Variants in PIN4 observed in about 807,000 individuals in gnomAD.
PIN4 encodes peptidyl-prolyl cis-trans isomerase NIMA-interacting 4.
Under a neutral mutation model 8.3 loss-of-function variants are expected in PIN4, and 3 were observed. The observed-to-expected ratio is 0.36, with a 90% confidence interval of 0.16 to 0.93. The LOEUF (loss-of-function observed/expected upper bound fraction) is 0.93. Among genes scored for constraint, PIN4 ranks in the 40% least tolerant of loss-of-function variants. The pLI, the probability that PIN4 is intolerant of heterozygous loss-of-function variation, is 0.44. For missense variants in PIN4, 75 were observed against 100.6 expected (o/e 0.75, Z 1.09); for synonymous variants, 18 against 32.5 (o/e 0.55, Z 1.52).
At chrX:72,205,064 C>A (rs1349508495) in intron 3 of PIN4, 1 of 1,207,661 alleles carries the variant, frequency 8.3e-7, no homozygotes, top group Admixed American at 2.2e-5. Flanking sequence ...AGCATAACTT[C>A]AGGATCTGCA....
chrX:72,245,829 C>T (rs1444561944), intron 3 of PIN4, among the ~76,000 whole-genome samples: 2 of 112,044 alleles, frequency 1.8e-5, no homozygotes, highest in Non-Finnish European at 3.8e-5. Context: ...TTAGGATTAC[C>T]TGCAGGGTCT....
intron 3 of PIN4, among the ~76,000 whole-genome samples, chrX:72,224,042 C>G (rs2042940855): frequency 9.0e-6 from 1 of 111,441 alleles, no homozygotes; most frequent in African/African-American, 3.3e-5. Flanking sequence ...CTGGTACTGA[C>G]AACGGAAGAC....
At chrX:72,222,328 C>T (rs969295693) in intron 3 of PIN4, among the ~76,000 whole-genome samples, 2 of 111,764 alleles carry the variant, frequency 1.8e-5, no homozygotes, top group African/African-American at 6.5e-5. Context: ...CCTCCACCCT[C>T]ACTCCTGATG....
intron 3 of PIN4, chrX:72,262,581 G>A (rs774395754): frequency 9.6e-6 from 4 of 417,424 alleles, no homozygotes; most frequent in Non-Finnish European, 1.7e-5. Context: ...CACAATAAAT[G>A]TGTTGCTCTT....
chrX:72,183,909 G>A (rs2042685949), intron 1 of PIN4, among the ~76,000 whole-genome samples: 2 of 110,654 alleles, frequency 1.8e-5, no homozygotes, highest in African/African-American at 3.3e-5. Flanking sequence ...GGAGGGGCAG[G>A]GACTCAGTAG....
At chrX:72,248,309 AAAAAAAAAAAAAAAAAAAAAAAAAAAAT>A (rs1242277382) in intron 3 of PIN4, among the ~76,000 whole-genome samples, 3 of 37,082 alleles carry the variant, frequency 8.1e-5, no homozygotes, top group African/African-American at 4.4e-4. Context: ...AAAAAAAAAA[AAAAAAAAAAAAAAAAAAAAAAAAAAAAT>A]GTCCTTATTC....
intron 3 of PIN4, among the ~76,000 whole-genome samples, chrX:72,261,296 GA>G (rs754002557): frequency 0.034 from 1,579 of 46,018 alleles, 51 homozygotes; most frequent in African/African-American, 0.11. Context: ...CTCCGTCTCA[GA>G]AAAAAAAAAA....
chrX:72,254,897 C>T (rs751166370), intron 3 of PIN4, among the ~76,000 whole-genome samples: 1 of 111,547 alleles, frequency 9.0e-6, no homozygotes, highest in Non-Finnish European at 1.9e-5. Context: ...ATTTAATCAG[C>T]GGCTCTGCCC....
chrX:72,211,519 C>A (rs2042853958), intron 3 of PIN4, among the ~76,000 whole-genome samples: 1 of 112,082 alleles, frequency 8.9e-6, no homozygotes, highest in Non-Finnish European at 1.9e-5. Context: ...TCACCTCCCA[C>A]AAGGTGTCTC....
At chrX:72,220,366 G>A (rs1280023667) in intron 3 of PIN4, among the ~76,000 whole-genome samples, 1 of 111,594 alleles carries the variant, frequency 9.0e-6, no homozygotes, top group Admixed American at 9.5e-5. Context: ...CAGGAGCATC[G>A]GCATCTTGGA....
chrX:72,203,950 AAT>A (rs2042802127), intron 3 of PIN4, among the ~76,000 whole-genome samples: 2 of 111,124 alleles, frequency 1.8e-5, no homozygotes, highest in Admixed American at 9.5e-5. Flanking sequence ...AGACTGTGAT[AAT>A]ATGTGTCAGA....
chrX:72,243,091 G>A (rs1192950030), intron 3 of PIN4, among the ~76,000 whole-genome samples: 1 of 110,658 alleles, frequency 9.0e-6, no homozygotes, highest in Non-Finnish European at 1.9e-5. Context: ...CAGCACTTTG[G>A]GAGGTCGAGG....
rs959156292 is a variant in PIN4 at position 72,226,830 on chromosome X, A to G, written c.312+29926A>G. Among the ~76,000 whole-genome samples, 17 of 111,780 alleles carry G rather than the reference A, an allele frequency of 1.5e-4. No homozygotes were observed. In the Admixed American group the frequency reaches 1.5e-3, roughly 10 times the overall value. On this transcript the variant is annotated intron_variant, in intron 3 of 3. Coordinates refer to the PIN4 transcript ENST00000423432. ...CCCCATACTGCTTTGTACAAAACAA[A>G]TTAGTCCCATCTGACCCTGAAGAAA...
intron 3 of PIN4, among the ~76,000 whole-genome samples, chrX:72,220,941 A>C (rs2042919621): frequency 8.9e-6 from 1 of 111,952 alleles, no homozygotes. Context: ...CAACCCAGGA[A>C]GCAGTGGGCA....
At chrX:72,199,523 G>GC (rs921388130), downstream of PIN4, among the ~76,000 whole-genome samples, 9 of 111,635 alleles carry the variant, frequency 8.1e-5, no homozygotes, top group African/African-American at 2.9e-4. Flanking sequence ...GGGCGACAGA[G>GC]CGAGACTCCA....
At chrX:72,200,894 T>A (rs2042787443), downstream of PIN4, among the ~76,000 whole-genome samples, 1 of 112,236 alleles carries the variant, frequency 8.9e-6, no homozygotes, top group African/African-American at 3.2e-5. Flanking sequence ...AGCCTATGGA[T>A]CCCTTTTCAA....
intron 2 of PIN4, among the ~76,000 whole-genome samples, chrX:72,192,608 A>G (rs1481897358): frequency 9.0e-6 from 1 of 110,681 alleles, no homozygotes; most frequent in East Asian, 2.8e-4. Flanking sequence ...TTTAAGAGAC[A>G]GGTTCTTGCT....
chrX:72,219,538 A>T (rs1163392805), intron 3 of PIN4, among the ~76,000 whole-genome samples: 1 of 103,291 alleles, frequency 9.7e-6, no homozygotes, highest in Non-Finnish European at 2.0e-5. Flanking sequence ...TGGACAACAG[A>T]CTCTGCCTCA....
chrX:72,202,485 G>T (rs143574421), downstream of PIN4, among the ~76,000 whole-genome samples: 480 of 112,302 alleles, frequency 4.3e-3, 2 homozygotes, highest in African/African-American at 0.014. Flanking sequence ...AGGGAAGAAA[G>T]AAGTTTATTA....
Sources: gnomAD v4.1 joint callset for allele counts (sites outside exome capture counted in the v4.1 genomes callset) on GRCh38, gnomAD v4.1.1 for gene constraint, MANE v1.5 for transcripts, NCBI Gene and HGNC (gene_info 2026-07-23, HGNC 2026-07-21) for gene names.